Variants in BMPER observed in about 807,000 individuals in gnomAD.
BMPER encodes BMP-binding endothelial regulator protein.
Under a neutral mutation model 87.3 loss-of-function variants are expected in BMPER, and 45 were observed. That is an observed-to-expected ratio of 0.52 (90% CI 0.41 to 0.66). The LOEUF (loss-of-function observed/expected upper bound fraction) is 0.66, where lower values mean the gene tolerates loss of function less well. Ranked by LOEUF, BMPER falls within the 30% of genes least tolerant of loss-of-function variation. The pLI, the probability that BMPER is intolerant of heterozygous loss-of-function variation, is 0.00. For missense variants in BMPER, 784 were observed against 867.5 expected, an observed-to-expected ratio of 0.90 and a Z score of 1.21; for synonymous variants, 326 against 316.2, an observed-to-expected ratio of 1.03 and a Z score of -0.33.
In BMPER at chr7:33,905,677, A is replaced by ACGTGCTGCGT. The variant is rs1783793081; in HGVS notation, c.66_75dup (p.Leu26ValfsTer29). On this transcript the variant is annotated frameshift_variant, in exon 1 of 15. Coordinates refer to ENST00000649409, the MANE Select transcript of BMPER (RefSeq NM_001365308.1). LOFTEE classifies it high-confidence loss of function. ...TTACTGCCGCCGCTCGCCTGGGATT[A>ACGTGCTGCGT]CGTGCTGCGTCTTGCTGCTACTCAA... 6.2e-7 allele frequency: 1 copy of ACGTGCTGCGT among 1,612,660 alleles called. No individual in the cohort carries two copies. The highest frequency in any genetic ancestry group is 1.7e-5 in the Admixed American group (1 of 59,954).
At chr7:33,961,122 A>G (rs1785261120) in intron 3 of BMPER, among the ~76,000 whole-genome samples, 2 of 152,210 alleles carry the variant, frequency 1.3e-5, no homozygotes, top group Non-Finnish European at 2.9e-5. Context: ...GCAAAATCGC[A>G]GGTTGAGATC....
At chr7:34,087,878 A>C (rs749735453) in intron 13 of BMPER, among the ~76,000 whole-genome samples, 2 of 152,102 alleles carry the variant, frequency 1.3e-5, no homozygotes, top group Admixed American at 6.5e-5. Flanking sequence ...TTCTTTTTTG[A>C]ATTTCTATGC....
chr7:34,143,070 G>A (rs1790914288), intron 13 of BMPER, among the ~76,000 whole-genome samples, 160 bp from the exon 14 acceptor site: 1 of 152,166 alleles, frequency 6.6e-6, no homozygotes. Flanking sequence ...CAGCACTTAA[G>A]TTCCACACAG....
Position 34,024,376 on chromosome 7 carries a change from A to C in BMPER, c.577-21930A>C, listed in dbSNP as rs1354512804. On this transcript the variant is annotated intron_variant, in intron 6 of 14. Coordinates refer to ENST00000649409, the MANE Select transcript of BMPER (RefSeq NM_001365308.1). The stretch of plus-strand genomic sequence containing the variant: ...CTGTCTCAAAAAAAAAAAAAAAAAA[A>C]AAAAAACAATATATATATATATATA... 1.9e-3 allele frequency among the ~76,000 whole-genome samples: 186 copies of C among 97,278 alleles called. 3 individuals are homozygous for C. Among genetic ancestry groups the C allele is most frequent in the African/African-American group, 8.9e-3 (173 of 19,376 alleles). The allele number at this position is 97,278 out of a possible 152,430, so 63.8% of individuals were successfully genotyped here.
chr7:34,045,475 G>A (rs1787937576), intron 6 of BMPER, among the ~76,000 whole-genome samples: 1 of 152,106 alleles, frequency 6.6e-6, no homozygotes, highest in Non-Finnish European at 1.5e-5. Context: ...GGAGGGCAGT[G>A]GATGTTGGAG....
chr7:33,994,608 A>C (rs1341285481), intron 6 of BMPER, among the ~76,000 whole-genome samples: 1 of 152,172 alleles, frequency 6.6e-6, no homozygotes, highest in Non-Finnish European at 1.5e-5. Flanking sequence ...GGAGCTGTAG[A>C]CCGGAGCTGT....
At chr7:33,921,921 C>T in intron 2 of BMPER, 1 of 459,818 alleles carries the variant, frequency 2.2e-6, no homozygotes, top group South Asian at 1.6e-5. Flanking sequence ...CCCACTTCAC[C>T]CCAACCCCTT....
chr7:34,075,911 C>T (rs1191429940), intron 11 of BMPER, among the ~76,000 whole-genome samples: 3 of 152,094 alleles, frequency 2.0e-5, no homozygotes, highest in African/African-American at 7.2e-5. Context: ...CTTGAGGTGC[C>T]AGGAAAAAGG....
chr7:34,145,986 A>C (rs948218508), intron 14 of BMPER, among the ~76,000 whole-genome samples: 2 of 152,076 alleles, frequency 1.3e-5, no homozygotes, highest in Non-Finnish European at 2.9e-5. Context: ...CCATCAAATG[A>C]AGTTCAGTGG....
chr7:33,913,869 C>A (rs951885817), intron 2 of BMPER, among the ~76,000 whole-genome samples: 1 of 152,160 alleles, frequency 6.6e-6, no homozygotes, highest in East Asian at 1.9e-4. Context: ...CTCAGTGACA[C>A]CCTGCCTTAC....
Position 34,140,125 on chromosome 7 carries a change from A to G in BMPER, c.1746-3105A>G, listed in dbSNP as rs530947666. Among the ~76,000 whole-genome samples, 13 of 152,332 alleles carry G rather than the reference A, an allele frequency of 8.5e-5. No homozygotes were observed. In the South Asian group the frequency reaches 2.5e-3, roughly 29 times the overall value. On this transcript the variant is annotated intron_variant, in intron 13 of 14. Transcript: ENST00000649409. ...ATCTGTGATCAGCCCTGTGACATTGAGTAAATTACTTAACTTCTTCAAGCT... is the reference window on the plus strand; with the variant it reads ...ATCTGTGATCAGCCCTGTGACATTGGGTAAATTACTTAACTTCTTCAAGCT...
At chr7:34,103,689 G>A (rs1182039854) in intron 13 of BMPER, among the ~76,000 whole-genome samples, 2 of 152,206 alleles carry the variant, frequency 1.3e-5, no homozygotes, top group Admixed American at 6.5e-5. Context: ...TCTCTTTAAA[G>A]AAGAGAAAGA....
At chr7:34,105,083 GGGAGGA>G (rs1404058104) in intron 13 of BMPER, among the ~76,000 whole-genome samples, 1 of 152,156 alleles carries the variant, frequency 6.6e-6, no homozygotes, top group East Asian at 1.9e-4. Context: ...AGGGTCTCTG[GGGAGGA>G]GGAGGCAAGT....
intron 9 of BMPER, among the ~76,000 whole-genome samples, chr7:34,056,883 T>C (rs1400999957): frequency 6.6e-6 from 1 of 152,224 alleles, no homozygotes; most frequent in Non-Finnish European, 1.5e-5. Flanking sequence ...CCCAAAGTGC[T>C]GGGATTACAG....
intron 6 of BMPER, among the ~76,000 whole-genome samples, chr7:33,994,191 G>C (rs969307638): frequency 6.6e-6 from 1 of 152,218 alleles, no homozygotes; most frequent in Non-Finnish European, 1.5e-5. Context: ...AAGCAAGCCT[G>C]GGCAATGGTG....
At chr7:33,996,998 C>G (rs1786431818) in intron 6 of BMPER, among the ~76,000 whole-genome samples, 1 of 152,164 alleles carries the variant, frequency 6.6e-6, no homozygotes, top group African/African-American at 2.4e-5. Flanking sequence ...CAAGTGTAAC[C>G]TATCTTGGGG....
chr7:33,987,479 A>C (rs1399384570), intron 6 of BMPER, among the ~76,000 whole-genome samples: 1 of 152,174 alleles, frequency 6.6e-6, no homozygotes, highest in African/African-American at 2.4e-5. Flanking sequence ...GCAGTGACTC[A>C]TCCTTCTGAA....
chr7:33,952,790 G>A (rs1434355907), intron 3 of BMPER, among the ~76,000 whole-genome samples: 1 of 152,138 alleles, frequency 6.6e-6, no homozygotes, highest in African/African-American at 2.4e-5. Flanking sequence ...AGAATTAAAT[G>A]TTCTATATTT....
chr7:34,148,970 C>G (rs1273047760), intron 14 of BMPER, among the ~76,000 whole-genome samples: 1 of 152,038 alleles, frequency 6.6e-6, no homozygotes, highest in Non-Finnish European at 1.5e-5. Flanking sequence ...TCAAGATTGG[C>G]CAGATAAAAT....
Sources: gnomAD v4.1 joint callset for allele counts (sites outside exome capture counted in the v4.1 genomes callset) on GRCh38, gnomAD v4.1.1 for gene constraint, MANE v1.5 for transcripts, NCBI Gene and HGNC (gene_info 2026-07-23, HGNC 2026-07-21) for gene names.